The following PARP1 variants were observed in gnomAD, a reference collection of about 807,000 sequenced individuals.
PARP1 encodes the protein poly [ADP-ribose] polymerase 1.
Under a neutral mutation model 118.7 loss-of-function variants are expected in PARP1, and 44 were observed. That is an observed-to-expected ratio of 0.37 (90% CI 0.29 to 0.48). The LOEUF is 0.48. PARP1 is among the 20% of genes least tolerant of loss of function. PARP1 has a pLI of 0.99. For missense variants in PARP1, 1,100 were observed against 1,272.4 expected (o/e 0.86, Z 2.06); for synonymous variants, 492 against 483.2 (o/e 1.02, Z -0.24).
At chr1:226,365,384 A>C (rs1396600477) in intron 18 of PARP1, among the ~76,000 whole-genome samples, 2 of 152,234 alleles carry the variant, frequency 1.3e-5, no homozygotes, top group Non-Finnish European at 1.5e-5. Flanking sequence ...GCAGATGTGC[A>C]CTTGAGGAAC....
At chr1:226,402,599 C>A (rs1665060213) in intron 1 of PARP1, among the ~76,000 whole-genome samples, 2 of 152,340 alleles carry the variant, frequency 1.3e-5, no homozygotes, top group South Asian at 4.1e-4. Flanking sequence ...AAGACTGTAG[C>A]CCACTGTTCT....
At position 226,388,553 on chromosome 1, in the gene PARP1, G is replaced by C. The variant is rs1020420873; in HGVS notation, c.717+103C>G. ...TAATAACTGCCATCAATTTGCTAAA[G>C]GTCTTAATAAGTGGGACACAACTCC... On this transcript the variant is annotated intron_variant, in intron 5 of 22. Coordinates refer to ENST00000366794, the MANE Select transcript of PARP1 (RefSeq NM_001618.4). 2.2e-5 allele frequency: 18 copies of C among 823,872 alleles called. No homozygotes were observed. In the African/African-American group the frequency reaches 3.0e-4, roughly 14 times the overall value. 51.0% of individuals were successfully genotyped at this position (823,872 alleles called of 1,614,324 possible).
In PARP1 at chr1:226,390,618, C is replaced by T. The variant is rs773018106; in HGVS notation, c.409G>A (p.Val137Met). ...TCCACCATCTTCTTGGACAGGCGCA[C>T]CTGGCCCTGCAGGAAAAACCATATG... ...GCMEKIEKGQ[V>M]RLSKKMVDPE... The change falls in exon 4 of 23, where the codon GTG becomes ATG. Residue 137 changes from valine (V) to methionine (M), a missense_variant. By Grantham distance (21) the Val-to-Met change is conservative. Around this residue, in one of 2 missense-constraint regions of PARP1, gnomAD observed 948 missense variants for 1,031.8 expected, o/e 0.92. Transcript: ENST00000366794. 1.9e-6 allele frequency: 3 copies of T among 1,614,060 alleles called. No individual in the cohort carries two copies. Among genetic ancestry groups the T allele is most frequent in the Admixed American group, 3.3e-5 (2 of 60,010 alleles).
intron 9 of PARP1, among the ~76,000 whole-genome samples, chr1:226,380,790 T>C (rs1341489380): frequency 1.3e-5 from 2 of 152,202 alleles, no homozygotes; most frequent in Non-Finnish European, 2.9e-5. Flanking sequence ...CAAAAAGTGT[T>C]GAATTTTGAG....
chr1:226,366,233 A>C (rs2271349), intron 17 of PARP1, 181 bp from the exon 18 acceptor site: 502,149 of 625,270 alleles, frequency 0.8, 204,215 homozygotes, highest in African/African-American at 0.87. Context: ...GGCTCCACTT[A>C]CCTAAGCCTC....
chr1:226,402,295 C>T lies in PARP1; in HGVS notation c.205G>A (p.Val69Ile), dbSNP rs762887304. ...AGCTCAGAGAACCCATCCACCTCAA[C>T]GTCAGGGTGCCGGATGGAGTGGCCC... The part of the protein sequence containing the change: ...KVGHSIRHPD[V>I]EVDGFSELRW... The change falls in exon 2 of 23, where the codon GTT (valine) becomes ATT (isoleucine). Residue 69 changes from valine to isoleucine, a missense_variant. By Grantham distance (29) the Val-to-Ile change is conservative. Coordinates refer to ENST00000366794, the MANE Select transcript of PARP1 (RefSeq NM_001618.4). The T allele has an allele frequency of 1.4e-5, 22 of 1,614,002 alleles. No homozygotes were observed. The East Asian group carries it at 2.2e-4, about 16-fold the overall frequency.
At chr1:226,406,252 G>C (rs58547335) in intron 1 of PARP1, among the ~76,000 whole-genome samples, 3,062 of 152,226 alleles carry the variant, frequency 0.02, 113 homozygotes, top group African/African-American at 0.07. Flanking sequence ...TTTATCTAGA[G>C]GTTAGTGGAG....
chr1:226,386,949 T>C (rs1475592253), intron 5 of PARP1, among the ~76,000 whole-genome samples: 1 of 152,228 alleles, frequency 6.6e-6, no homozygotes, highest in Non-Finnish European at 1.5e-5. Context: ...CTTTATTAAG[T>C]GCCTACTCTT....
chr1:226,370,562 G>A, intron 14 of PARP1, 45 bp from the exon 15 acceptor site: 4 of 1,490,666 alleles, frequency 2.7e-6, no homozygotes, highest in Non-Finnish European at 3.7e-6. Context: ...GCACTGTGCA[G>A]TGTGATCGCA....
intron 12 of PARP1, 105 bp from the exon 13 acceptor site, chr1:226,377,408 C>A: frequency 1.2e-6 from 1 of 827,498 alleles, no homozygotes; most frequent in East Asian, 2.4e-5. Flanking sequence ...GAATTTTACA[C>A]ACCCCAAAAG....
rs768246004 is a variant in PARP1 at position 226,392,280 on chromosome 1, C to T, written c.321G>A (p.Glu107=). The part of the protein sequence containing the change: ...KGQDGIGSKA[E]KTLGDFAAEY... ...CTGCTGCAAAGTCACCCAGAGTCTT[C>T]TCTGCCTTGCTACCAATTCCATCCT... The change falls in exon 3 of 23, where the codon GAG becomes GAA. Residue 107 remains glutamate, a synonymous_variant. Coordinates refer to ENST00000366794, the MANE Select transcript of PARP1 (RefSeq NM_001618.4). The T allele has an allele frequency of 7.4e-6, 12 of 1,614,100 alleles. No individual in the cohort carries two copies. In the South Asian group the frequency reaches 1.1e-4, roughly 15 times the overall value.
chr1:226,388,856 C>T, intron 4 of PARP1, 101 bp from the exon 5 acceptor site: 1 of 885,228 alleles, frequency 1.1e-6, no homozygotes, highest in East Asian at 2.4e-5. Context: ...CTATCAACTC[C>T]CTGTAGGGCC....
At chr1:226,394,709 G>A (rs1664882335) in intron 2 of PARP1, among the ~76,000 whole-genome samples, 1 of 152,124 alleles carries the variant, frequency 6.6e-6, no homozygotes, top group Admixed American at 6.5e-5. Flanking sequence ...GGAGGCCAAG[G>A]CTGGAGTGTA....
rs1665023871 is a variant in PARP1 at position 226,400,933 on chromosome 1, A to G, written c.286+1281T>C. 2.0e-5 allele frequency among the ~76,000 whole-genome samples: 3 copies of G among 152,176 alleles called. No individual in the cohort carries two copies. The South Asian group carries it at 6.2e-4, about 32-fold the overall frequency. On this transcript the variant is annotated intron_variant, in intron 2 of 22. Coordinates refer to ENST00000366794, the MANE Select transcript of PARP1 (RefSeq NM_001618.4). ...CCAAGCCATTGGCTGTTTCTCATGA[A>G]GCCATGGCCAGCTTGACAGCGTATG... is the stretch of plus-strand genomic sequence containing the variant.
intron 13 of PARP1, among the ~76,000 whole-genome samples, chr1:226,374,708 T>C (rs373071850): frequency 1.6e-4 from 25 of 152,336 alleles, no homozygotes; most frequent in African/African-American, 5.3e-4. Context: ...TGGGCAGCTG[T>C]AGAAGCAAAC....
intron 6 of PARP1, among the ~76,000 whole-genome samples, chr1:226,386,120 G>A (rs534092076): frequency 6.6e-6 from 1 of 152,302 alleles, no homozygotes; most frequent in East Asian, 1.9e-4. Context: ...CTGGTGGGGC[G>A]TGTGAATGCC....
chr1:226,392,501 G>A, intron 2 of PARP1, 187 bp from the exon 3 acceptor site: 1 of 629,170 alleles, frequency 1.6e-6, no homozygotes, highest in Non-Finnish European at 2.9e-6. Context: ...CTTCTTTTCT[G>A]GAGATAAATG....
intron 17 of PARP1, 138 bp from the exon 18 acceptor site, chr1:226,366,190 C>A: frequency 2.9e-6 from 2 of 699,214 alleles, no homozygotes; most frequent in Non-Finnish European, 5.2e-6. Flanking sequence ...GCCTGTGTCC[C>A]AGGCCTGTGG....
intron 14 of PARP1, among the ~76,000 whole-genome samples, chr1:226,372,673 T>TCAAACCAAACCAAAC: frequency 1.3e-5 from 2 of 151,678 alleles, no homozygotes; most frequent in African/African-American, 4.9e-5. Flanking sequence ...AAACTCCGTC[T>TCAAACCAAACCAAAC]CAAACCAAAC....
Sources: gnomAD v4.1 joint callset for allele counts (sites outside exome capture counted in the v4.1 genomes callset) on GRCh38, gnomAD v4.1.1 for gene constraint, gnomAD v4.1.1 regional missense constraint, MANE v1.5 for transcripts, NCBI Gene and HGNC (gene_info 2026-07-23, HGNC 2026-07-21) for gene names.